Variants in WIPI1 observed in about 807,000 individuals in gnomAD.
WIPI1 encodes the protein WD repeat domain, phosphoinositide interacting 1, also known as WD repeat domain phosphoinositide-interacting protein 1.
A neutral mutation model predicts 55.3 loss-of-function variants in WIPI1; 45 were observed. That is an observed-to-expected ratio of 0.81 (90% CI 0.64 to 1.04). WIPI1 has a LOEUF of 1.04. WIPI1 is among the 50% of genes least tolerant of loss of function. The pLI is 0.00. For synonymous variants in WIPI1, 195 were observed against 217.6 expected, an observed-to-expected ratio of 0.90 and a Z score of 0.92; for missense variants, 445 against 559.0, an observed-to-expected ratio of 0.80 and a Z score of 2.06.
At position 68,450,851 on chromosome 17, in the gene WIPI1, G is replaced by T; in HGVS notation, c.210C>A (p.Ser70Arg). The change falls in exon 3 of 13, where the codon AGC becomes AGA. Residue 70 changes from serine (S) to arginine (R), a missense_variant. Ser to Arg is a moderately radical substitution (Grantham distance 110, BLOSUM62 -1). Transcript: ENST00000262139. The stretch of plus-strand genomic sequence containing the variant: ...TTGTGTGACTGACTACCACCACCAG[G>T]CTGCTGGAGAAGAGGCGCTCCACGA... ...VYIVERLFSS[S>R]LVVVVSHTKP... 2 of 1,614,096 alleles carry T rather than the reference G, an allele frequency of 1.2e-6. No homozygotes were observed. The highest frequency in any genetic ancestry group is 1.7e-6 in the Non-Finnish European group (2 of 1,180,010).
intron 4 of WIPI1, among the ~76,000 whole-genome samples, chr17:68,442,032 A>G (rs2084101163): frequency 6.6e-6 from 1 of 152,198 alleles, no homozygotes; most frequent in African/African-American, 2.4e-5. Flanking sequence ...TTTACAAACA[A>G]TATACACTGT....
At chr17:68,444,982 G>A (rs899399820) in intron 3 of WIPI1, among the ~76,000 whole-genome samples, 31 of 134,512 alleles carry the variant, frequency 2.3e-4, no homozygotes, top group African/African-American at 8.0e-4. Context: ...GTGCAGTGGC[G>A]CAATCTCAGC....
rs372514593 is a variant in WIPI1, at chr17:68,424,593, C to A, written c.1293+1482G>T. The A allele has an allele frequency of 6.4e-5, 31 of 481,720 alleles. 1 individual carries two copies. Among genetic ancestry groups the A allele is most frequent in the African/African-American group, 5.8e-4 (29 of 50,324 alleles). The allele number at this position is 481,720 out of a possible 1,614,324, so 29.8% of individuals were successfully genotyped here. A position where few individuals can be genotyped will look rare whatever the true frequency, so the allele number is the denominator to read the frequency against. On this transcript the variant is annotated intron_variant, in intron 12 of 12. Transcript: ENST00000262139. ...CAAGTCTTGGCCCAAACACTACTTC[C>A]GGCCGGGTGCGGCGGTTCACGCCTG...
intron 9 of WIPI1, 32 bp downstream of exon 9, chr17:68,429,964 G>A (rs2083437547): frequency 6.2e-7 from 1 of 1,613,140 alleles, no homozygotes; most frequent in Non-Finnish European, 8.5e-7. Context: ...CGAAAGTGTG[G>A]TCTTGTTCAG....
At chr17:68,436,620 CTGA>C (rs746444211) in intron 4 of WIPI1, 141 bp from the exon 5 acceptor site, 128 of 692,032 alleles carry the variant, frequency 1.8e-4, no homozygotes, top group Non-Finnish European at 5.0e-5. Flanking sequence ...CTGCTTTCCG[CTGA>C]TGATTCTTCT....
intron 12 of WIPI1, chr17:68,424,458 G>T: frequency 1.9e-6 from 1 of 534,784 alleles, no homozygotes; most frequent in Non-Finnish European, 3.8e-6. Flanking sequence ...ACAATTGGAA[G>T]CTCAATGGAC....
At chr17:68,450,615 T>C in intron 3 of WIPI1, 113 bp downstream of exon 3, 1 of 1,379,012 alleles carries the variant, frequency 7.3e-7, no homozygotes, top group Non-Finnish European at 9.9e-7. Flanking sequence ...GTGTTAACAT[T>C]CTCATTAGAA....
At chr17:68,431,209 T>C (rs2083495298) in intron 8 of WIPI1, among the ~76,000 whole-genome samples, 1 of 152,140 alleles carries the variant, frequency 6.6e-6, no homozygotes, top group Admixed American at 6.5e-5. Flanking sequence ...GCTGCACAGA[T>C]GGTCCAGGCA....
At chr17:68,422,472 C>T (rs1300073528) in intron 12 of WIPI1, 1 of 151,666 alleles carries the variant, frequency 6.6e-6, no homozygotes, top group African/African-American at 2.4e-5. Flanking sequence ...TGGCTCACAC[C>T]TGTAATCCCA....
At chr17:68,441,425 G>A (rs1012678486) in intron 4 of WIPI1, among the ~76,000 whole-genome samples, 2 of 152,230 alleles carry the variant, frequency 1.3e-5, no homozygotes, top group African/African-American at 4.8e-5. Context: ...GAGTGATTGT[G>A]TCTTCCTTCT....
intron 1 of WIPI1, among the ~76,000 whole-genome samples, chr17:68,453,631 A>T (rs967786793): frequency 6.6e-6 from 1 of 151,958 alleles, no homozygotes; most frequent in African/African-American, 2.4e-5. Flanking sequence ...GGCATGCACC[A>T]CCACGCCAGG....
rs2082772543 is a variant in WIPI1, at chr17:68,421,529, A to C, written c.*244T>G. 2 of 543,328 alleles carry C rather than the reference A, an allele frequency of 3.7e-6. No homozygotes were observed. The highest frequency in any genetic ancestry group is 6.6e-6 in the Non-Finnish European group (2 of 301,054). 33.7% of individuals were successfully genotyped at this position (543,328 alleles called of 1,614,324 possible). On this transcript the variant is annotated 3_prime_UTR_variant, in exon 13 of 13. Coordinates refer to ENST00000262139, the MANE Select transcript of WIPI1 (RefSeq NM_017983.7). ...ACCAATATGGTTAATTAGCATTTAC[A>C]CTATAGTTTGAACGTATTTTAAATA... is the stretch of plus-strand genomic sequence containing the variant.
intron 4 of WIPI1, among the ~76,000 whole-genome samples, chr17:68,441,959 T>C (rs1481585585): frequency 6.6e-6 from 1 of 152,224 alleles, no homozygotes; most frequent in Non-Finnish European, 1.5e-5. Context: ...GGCATTCTTT[T>C]ATCTGAGACA....
At chr17:68,434,468 ACT>A (rs1313103569) in intron 7 of WIPI1, 86 bp downstream of exon 7, 78 of 1,370,142 alleles carry the variant, frequency 5.7e-5, no homozygotes, top group Non-Finnish European at 7.6e-5. Flanking sequence ...GCACAGAGCC[ACT>A]CTCTGTCCTC....
At chr17:68,428,237 T>A (rs1310437717) in intron 10 of WIPI1, 3 of 147,882 alleles carry the variant, frequency 2.0e-5, no homozygotes, top group Non-Finnish European at 3.0e-5. Context: ...GGTTTTTTTT[T>A]TTTTTTATTT....
At chr17:68,440,029 T>C (rs551374523) in intron 4 of WIPI1, among the ~76,000 whole-genome samples, 6 of 152,194 alleles carry the variant, frequency 3.9e-5, no homozygotes, top group Non-Finnish European at 7.3e-5. Context: ...TAAGCTAATA[T>C]TGAACTTTCT....
At position 68,457,350 on chromosome 17, in the gene WIPI1, C is replaced by T. The variant is rs1340411896; in HGVS notation, c.72G>A (p.Gln24=). The T allele has an allele frequency of 5.2e-6, 8 of 1,545,664 alleles. No individual in the cohort carries two copies. The highest frequency in any genetic ancestry group is 7.0e-6 in the Non-Finnish European group (8 of 1,145,700). Residue 24 remains glutamine (Q), a synonymous_variant, in exon 1 of 13, where the codon CAG becomes CAA. Coordinates refer to ENST00000262139, the MANE Select transcript of WIPI1 (RefSeq NM_017983.7). ...GCCGAGTCGCAGCTTACGTGCAGTCCTGGTTGAAAGAGAAGCAGCTGAGCG... is the reference window on the plus strand; with the variant it reads ...GCCGAGTCGCAGCTTACGTGCAGTCTTGGTTGAAAGAGAAGCAGCTGAGCG... The part of the protein sequence containing the change: ...ESALSCFSFN[Q]DCTSLATGTK...
intron 4 of WIPI1, among the ~76,000 whole-genome samples, chr17:68,442,504 G>A (rs1035355851): frequency 2.6e-5 from 4 of 151,678 alleles, no homozygotes; most frequent in African/African-American, 9.7e-5. Flanking sequence ...CTGTTTGCAA[G>A]GGAGGGTGCT....
chr17:68,435,563 C>A, intron 6 of WIPI1, 57 bp downstream of exon 6: 1 of 1,540,446 alleles, frequency 6.5e-7, no homozygotes, highest in Non-Finnish European at 9.0e-7. Context: ...CATCCCTGCG[C>A]ACGGCAGGAG....
Sources: gnomAD v4.1 joint callset for allele counts (sites outside exome capture counted in the v4.1 genomes callset) on GRCh38, gnomAD v4.1.1 for gene constraint, MANE v1.5 for transcripts, NCBI Gene and HGNC (gene_info 2026-07-23, HGNC 2026-07-21) for gene names.